TCF7L1: variants seen among roughly 807,000 people sequenced by gnomAD.
The protein encoded by TCF7L1 is transcription factor 7-like 1.
Under a neutral mutation model 63.7 loss-of-function variants are expected in TCF7L1, and 18 were observed. The observed-to-expected ratio is 0.28, with a 90% CI of 0.20 to 0.42. The LOEUF (loss-of-function observed/expected upper bound fraction) is 0.42. Ranked by LOEUF, TCF7L1 falls within the 10% of genes least tolerant of loss-of-function variation. The pLI is 1.00. For synonymous variants in TCF7L1, 355 were observed against 340.9 expected (o/e 1.04, Z -0.46); for missense variants, 654 against 779.3 (o/e 0.84, Z 1.91).
chr2:85,173,954 C>T (rs1397770603), intron 3 of TCF7L1, among the ~76,000 whole-genome samples: 2 of 152,096 alleles, frequency 1.3e-5, no homozygotes, highest in African/African-American at 4.8e-5. Flanking sequence ...TCAGGCTGGT[C>T]TCGAACTCCT....
intron 3 of TCF7L1, among the ~76,000 whole-genome samples, chr2:85,191,645 T>C (rs1172677354): frequency 3.3e-5 from 5 of 152,062 alleles, no homozygotes; most frequent in African/African-American, 4.8e-5. Context: ...ATCAACGTGG[T>C]GAAACTCTGT....
intron 3 of TCF7L1, among the ~76,000 whole-genome samples, chr2:85,248,891 G>A (rs1464088061): frequency 6.6e-6 from 1 of 152,072 alleles, no homozygotes; most frequent in East Asian, 1.9e-4. Flanking sequence ...TCTCAAATGA[G>A]AGCTATCCTG....
At chr2:85,219,894 C>A (rs891574895) in intron 3 of TCF7L1, among the ~76,000 whole-genome samples, 1 of 152,122 alleles carries the variant, frequency 6.6e-6, no homozygotes, top group Non-Finnish European at 1.5e-5. Context: ...ATGTTGACAA[C>A]TGACTTTCAA....
chr2:85,232,165 A>G (rs1680094698), intron 3 of TCF7L1, among the ~76,000 whole-genome samples: 1 of 152,050 alleles, frequency 6.6e-6, no homozygotes, highest in East Asian at 1.9e-4. Context: ...CAGAGGCTGG[A>G]GACTTGAGGC....
rs553485513 is a variant in TCF7L1 at position 85,304,881 on chromosome 2, G to A, written c.846-379G>A. Among the ~76,000 whole-genome samples the A allele has an allele frequency of 1.3e-3, 195 of 152,258 alleles. 1 individual carries two copies. Among genetic ancestry groups the A allele is most frequent in the Non-Finnish European group, 2.4e-3 (161 of 68,022 alleles). ...CTGAAATGATGTCAGGAGAGGAGACGGTGAAAGGGGATTTCTGTCTCAGGG... is the reference window on the plus strand; with the variant it reads ...CTGAAATGATGTCAGGAGAGGAGACAGTGAAAGGGGATTTCTGTCTCAGGG... On this transcript the variant is annotated intron_variant, in intron 7 of 11. Coordinates refer to ENST00000282111, the MANE Select transcript of TCF7L1 (RefSeq NM_031283.3).
intron 3 of TCF7L1, among the ~76,000 whole-genome samples, chr2:85,142,489 T>C (rs1008032572): frequency 6.7e-6 from 1 of 148,350 alleles, no homozygotes; most frequent in Non-Finnish European, 1.5e-5. Context: ...ATAATATATA[T>C]ATATATATAC....
chr2:85,290,627 A>G (rs56389676), intron 4 of TCF7L1, among the ~76,000 whole-genome samples: 44,661 of 152,010 alleles, frequency 0.29, 6,876 homozygotes, highest in East Asian at 0.44. Flanking sequence ...TATGAAAAGT[A>G]AAAATAAAAA....
At chr2:85,278,980 C>T (rs74356924) in intron 3 of TCF7L1, among the ~76,000 whole-genome samples, 212 of 152,340 alleles carry the variant, frequency 1.4e-3, no homozygotes, top group Middle Eastern at 0.01. Flanking sequence ...TGTTACATTC[C>T]GGTGGGCATC....
At chr2:85,248,119 A>G (rs1433762560) in intron 3 of TCF7L1, among the ~76,000 whole-genome samples, 1 of 152,170 alleles carries the variant, frequency 6.6e-6, no homozygotes, top group African/African-American at 2.4e-5. Flanking sequence ...ATAGATTTAT[A>G]AATCTTTAGG....
chr2:85,174,631 T>C (rs55802812), intron 3 of TCF7L1, among the ~76,000 whole-genome samples: 2,088 of 152,346 alleles, frequency 0.014, 39 homozygotes, highest in African/African-American at 0.047. Context: ...TCAGTGTTCC[T>C]GTGTTTTGAC....
At chr2:85,285,149 T>C (rs7569381) in intron 4 of TCF7L1, among the ~76,000 whole-genome samples, 3,592 of 151,706 alleles carry the variant, frequency 0.024, 146 homozygotes, top group African/African-American at 0.083. Flanking sequence ...AGGAGAATGG[T>C]GTGAACCCCG....
intron 11 of TCF7L1, among the ~76,000 whole-genome samples, chr2:85,308,428 CTTTTCTCCCTCCCTTTCT>C: frequency 7.6e-6 from 1 of 131,002 alleles, no homozygotes; most frequent in Non-Finnish European, 1.6e-5. Flanking sequence ...TCCCTCCCTC[CTTTTCTCCCTCCCTTTCT>C]CTTTCCCTCC....
chr2:85,254,385 G>A (rs1456372522), intron 3 of TCF7L1, among the ~76,000 whole-genome samples: 1 of 152,252 alleles, frequency 6.6e-6, no homozygotes, highest in South Asian at 2.1e-4. Context: ...ACTGGCAAGG[G>A]GGCTCCCTGG....
intron 3 of TCF7L1, among the ~76,000 whole-genome samples, chr2:85,176,366 C>T (rs1259600142): frequency 6.6e-6 from 1 of 152,174 alleles, no homozygotes; most frequent in Non-Finnish European, 1.5e-5. Context: ...TATTTAATAC[C>T]CTCTTCCCAT....
chr2:85,144,755 G>T (rs1379223616), intron 3 of TCF7L1, among the ~76,000 whole-genome samples: 2 of 147,238 alleles, frequency 1.4e-5, no homozygotes, highest in Admixed American at 6.7e-5. Flanking sequence ...GTGTGTATGT[G>T]TGTGTGTGTG....
intron 3 of TCF7L1, among the ~76,000 whole-genome samples, chr2:85,270,310 T>C (rs1010595207): frequency 6.6e-6 from 1 of 152,222 alleles, no homozygotes; most frequent in Non-Finnish European, 1.5e-5. Flanking sequence ...GTCAATGGAC[T>C]TTCTGCAAAT....
chr2:85,306,739 A>G lies in TCF7L1; in HGVS notation c.1257+180A>G, dbSNP rs1330389883. ...GCATGCAGTGGCGCGATCTCGGCTC[A>G]CTGCAAGCTCCGCCTCCCCGGTTCA... is the stretch of plus-strand genomic sequence containing the variant. On this transcript the variant is annotated intron_variant, in intron 10 of 11. Coordinates refer to ENST00000282111, the MANE Select transcript of TCF7L1 (RefSeq NM_031283.3). This position sits in a 1 kb window ranked among gnomAD's most constrained non-coding sequence, Gnocchi z 4.3. Among the ~76,000 whole-genome samples the G allele has an allele frequency of 2.0e-5, 3 of 152,132 alleles. No homozygotes were observed. The East Asian group carries it at 5.8e-4, about 29-fold the overall frequency.
intron 3 of TCF7L1, among the ~76,000 whole-genome samples, chr2:85,199,258 C>G (rs1679223239): frequency 6.6e-6 from 1 of 152,130 alleles, no homozygotes; most frequent in Non-Finnish European, 1.5e-5. Context: ...CAGTATGTCT[C>G]TTAGCCATTT....
chr2:85,199,600 CGTCTGTAT>C (rs1420344108), intron 3 of TCF7L1, among the ~76,000 whole-genome samples: 1 of 152,150 alleles, frequency 6.6e-6, no homozygotes, highest in Admixed American at 6.6e-5. Context: ...GAGGTCCAAG[CGTCTGTAT>C]GTCTTTAAAA....
Sources: allele counts gnomAD v4.1 joint callset (sites outside exome capture counted in the v4.1 genomes callset), GRCh38; gene constraint gnomAD v4.1.1; non-coding constraint Gnocchi (gnomAD v3.1); transcripts MANE v1.5; gene names NCBI Gene and HGNC (gene_info 2026-07-23, HGNC 2026-07-21).